PDE11A: variants seen among roughly 807,000 people sequenced by gnomAD.
PDE11A encodes phosphodiesterase 11A.
In PDE11A, 100 loss-of-function variants were observed where a neutral mutation model predicts 100.5. That is an observed-to-expected ratio of 1.00 (90% CI 0.85 to 1.18). The LOEUF is 1.18. Ranked by LOEUF, PDE11A falls within the 50% of genes most tolerant of loss-of-function variation. PDE11A has a pLI of 0.00. For missense variants in PDE11A, 1,141 were observed against 1,152.6 expected (o/e 0.99, Z 0.15); for synonymous variants, 381 against 420.8 (o/e 0.91, Z 1.16).
chr2:177,682,671 C>T (rs573926133), intron 15 of PDE11A, among the ~76,000 whole-genome samples: 1 of 152,166 alleles, frequency 6.6e-6, no homozygotes, highest in South Asian at 2.1e-4. Context: ...CCTAACACAC[C>T]ATTTCCCAAA....
At chr2:177,837,332 C>G (rs574382020) in intron 6 of PDE11A, among the ~76,000 whole-genome samples, 1 of 152,154 alleles carries the variant, frequency 6.6e-6, no homozygotes, top group East Asian at 1.9e-4. Flanking sequence ...TGGTCAGTAA[C>G]AAACTTTGCT....
chr2:178,054,371 G>T (rs923050827), intron 1 of PDE11A, among the ~76,000 whole-genome samples: 3 of 152,166 alleles, frequency 2.0e-5, no homozygotes, highest in Non-Finnish European at 4.4e-5. Context: ...AGACTTAAAT[G>T]TTTGACCTAA....
At chr2:177,971,000 A>G (rs1235914287) in intron 2 of PDE11A, among the ~76,000 whole-genome samples, 1 of 152,198 alleles carries the variant, frequency 6.6e-6, no homozygotes, top group African/African-American at 2.4e-5. Flanking sequence ...TGTACTTACT[A>G]TTGTTTGATT....
intron 1 of PDE11A, among the ~76,000 whole-genome samples, chr2:178,053,270 A>T (rs1210033018): frequency 6.6e-6 from 1 of 152,224 alleles, no homozygotes; most frequent in Non-Finnish European, 1.5e-5. Flanking sequence ...AAACCACATG[A>T]TTATCTCAAT....
chr2:178,072,645 CCTG>C lies in PDE11A; in HGVS notation c.-211_-209del. The stretch of plus-strand genomic sequence containing the variant: ...GCTGGCGCCGACCCCACCCCGTGGT[CCTG>C]CTACTCCTGCTCCGCACAGGTGCCC... On this transcript the variant is annotated 5_prime_UTR_variant, in exon 1 of 20. Coordinates refer to ENST00000286063, the MANE Select transcript of PDE11A (RefSeq NM_016953.4). The C allele has an allele frequency of 1.4e-6, 2 of 1,469,422 alleles. No individual in the cohort carries two copies. The highest frequency in any genetic ancestry group is 1.8e-6 in the Non-Finnish European group (2 of 1,113,244). 91.0% of individuals were successfully genotyped at this position (1,469,422 alleles called of 1,614,324 possible). A position where few individuals can be genotyped will look rare whatever the true frequency, so the allele number is the denominator to read the frequency against.
chr2:177,698,869 G>C (rs950613443), intron 14 of PDE11A, among the ~76,000 whole-genome samples: 2 of 152,262 alleles, frequency 1.3e-5, no homozygotes, highest in African/African-American at 4.8e-5. Context: ...TCAATCACAG[G>C]CAGGTGTTCT....
intron 2 of PDE11A, among the ~76,000 whole-genome samples, chr2:177,947,760 C>T (rs1324954823): frequency 7.3e-6 from 1 of 137,044 alleles, no homozygotes; most frequent in Non-Finnish European, 1.6e-5. Context: ...CAAGAATTAT[C>T]AATAAAAAAA....
chr2:177,979,926 A>T (rs1303248871), intron 2 of PDE11A, among the ~76,000 whole-genome samples: 3 of 150,440 alleles, frequency 2.0e-5, no homozygotes, highest in African/African-American at 7.3e-5. Context: ...CATTTTTATC[A>T]AACAATAGTG....
chr2:177,643,603 T>C (rs777973420), intron 19 of PDE11A, among the ~76,000 whole-genome samples: 2 of 151,984 alleles, frequency 1.3e-5, no homozygotes, highest in Non-Finnish European at 2.9e-5. Context: ...GAAAAGAAAA[T>C]ATCATTTTCT....
chr2:177,758,937 C>T (rs2082133994), intron 10 of PDE11A, among the ~76,000 whole-genome samples: 1 of 152,210 alleles, frequency 6.6e-6, no homozygotes, highest in South Asian at 2.1e-4. Context: ...CTCGATATTA[C>T]TTTTAAATTA....
chr2:178,064,923 A>T (rs917364747), intron 1 of PDE11A, among the ~76,000 whole-genome samples: 2 of 152,172 alleles, frequency 1.3e-5, no homozygotes, highest in African/African-American at 4.8e-5. Flanking sequence ...GATAGGAAAC[A>T]TAATTTGTCA....
At chr2:177,930,097 T>TTAGA (rs68126839) in intron 2 of PDE11A, among the ~76,000 whole-genome samples, 13,148 of 152,262 alleles carry the variant, frequency 0.086, 534 homozygotes, top group South Asian at 0.1. Flanking sequence ...AAGCTTATTC[T>TTAGA]TAATTCAATT....
At chr2:177,648,767 C>T (rs1336947185) in intron 19 of PDE11A, among the ~76,000 whole-genome samples, 1 of 151,996 alleles carries the variant, frequency 6.6e-6, no homozygotes, top group Non-Finnish European at 1.5e-5. Flanking sequence ...TATATGATAA[C>T]AGTGACCATT....
intron 2 of PDE11A, among the ~76,000 whole-genome samples, chr2:177,995,551 T>C (rs1343962403): frequency 1.3e-5 from 2 of 152,014 alleles, no homozygotes; most frequent in Non-Finnish European, 2.9e-5. Flanking sequence ...GAGGGAAGAT[T>C]AACTGTGAAA....
chr2:177,850,965 G>A (rs1314575159), intron 5 of PDE11A, among the ~76,000 whole-genome samples: 6 of 152,214 alleles, frequency 3.9e-5, no homozygotes, highest in Non-Finnish European at 5.9e-5. Context: ...AACCATTGTG[G>A]AAGACAGTGT....
intron 2 of PDE11A, among the ~76,000 whole-genome samples, chr2:178,094,145 C>T (rs1210729567): frequency 6.6e-6 from 1 of 152,012 alleles, no homozygotes; most frequent in Non-Finnish European, 1.5e-5. Context: ...CAAGAAAGTA[C>T]TGAAAATACA....
intron 19 of PDE11A, among the ~76,000 whole-genome samples, chr2:177,637,297 T>C (rs1009748542): frequency 6.6e-6 from 1 of 152,154 alleles, no homozygotes; most frequent in Admixed American, 6.5e-5. Context: ...TAATGCATTG[T>C]GTAAAAAATT....
intron 2 of PDE11A, among the ~76,000 whole-genome samples, chr2:178,083,799 A>G (rs1259868651): frequency 2.0e-5 from 3 of 152,186 alleles, no homozygotes; most frequent in Non-Finnish European, 4.4e-5. Context: ...AGTTTCACAG[A>G]TTTTGCTTTT....
At chr2:178,097,114 C>T (rs886417471) in intron 2 of PDE11A, among the ~76,000 whole-genome samples, 8 of 152,138 alleles carry the variant, frequency 5.3e-5, no homozygotes, top group Non-Finnish European at 8.8e-5. Flanking sequence ...TCTTGATCTC[C>T]TGACCTCATG....
Sources: allele counts gnomAD v4.1 joint callset (sites outside exome capture counted in the v4.1 genomes callset), GRCh38; gene constraint gnomAD v4.1.1; transcripts MANE v1.5; gene names NCBI Gene and HGNC (gene_info 2026-07-23, HGNC 2026-07-21).